The following ZMYM2 variants were observed in gnomAD, a reference collection of about 807,000 sequenced individuals.
ZMYM2 encodes the protein zinc finger MYM-type protein 2.
A neutral mutation model predicts 162.8 loss-of-function variants in ZMYM2; 56 were observed. The ratio of observed to expected loss-of-function variants is 0.34; its 90% CI spans 0.28 to 0.43. ZMYM2 has a LOEUF of 0.43. Ranked by LOEUF, ZMYM2 falls within the 20% of genes least tolerant of loss-of-function variation. ZMYM2 has a pLI of 1.00. For synonymous variants in ZMYM2, 510 were observed against 541.6 expected (o/e 0.94, Z 0.81); for missense variants, 1,275 against 1,621.8 (o/e 0.79, Z 3.67).
intron 2 of ZMYM2, among the ~76,000 whole-genome samples, chr13:19,979,662 C>G (rs1957134126): frequency 6.6e-6 from 1 of 152,202 alleles, no homozygotes; most frequent in South Asian, 2.1e-4. Flanking sequence ...CCCAAACACA[C>G]AATCCCAAAT....
chr13:19,933,368 T>C, the ZMYM2 span, among the ~76,000 whole-genome samples: 13 of 152,332 alleles, frequency 8.5e-5, no homozygotes, highest in African/African-American at 2.2e-4. Context: ...TTATTTCAAG[T>C]CTATATTATT....
At chr13:20,085,206 CT>C (rs945977841) in intron 24 of ZMYM2, among the ~76,000 whole-genome samples, 6 of 152,116 alleles carry the variant, frequency 3.9e-5, no homozygotes, top group African/African-American at 9.7e-5. Flanking sequence ...GAACTTTCCA[CT>C]TTTGGTGTCA....
intron 6 of ZMYM2, among the ~76,000 whole-genome samples, chr13:20,009,727 A>G (rs1951022154): frequency 6.6e-6 from 1 of 152,236 alleles, no homozygotes; most frequent in Non-Finnish European, 1.5e-5. Flanking sequence ...CATCCATAGT[A>G]TAGCCACGAT....
chr13:20,068,062 G>GT (rs201411363), intron 21 of ZMYM2: 207 of 175,052 alleles, frequency 1.2e-3, no homozygotes, highest in Non-Finnish European at 1.9e-3. Flanking sequence ...CTTAATTTGT[G>GT]TTTTTTTTAC....
At chr13:20,002,779 C>G (rs1857389698) in intron 3 of ZMYM2, 71 bp from the exon 4 acceptor site, 2 of 1,521,158 alleles carry the variant, frequency 1.3e-6, no homozygotes, top group Admixed American at 2.1e-5. Flanking sequence ...TAATATTTCT[C>G]TGATATAAAT....
intron 2 of ZMYM2, among the ~76,000 whole-genome samples, chr13:19,964,735 A>G (rs557794392): frequency 1.3e-5 from 2 of 150,976 alleles, no homozygotes; most frequent in Non-Finnish European, 2.9e-5. Flanking sequence ...TTTTCTCTCT[A>G]AGTGTTCCTA....
intron 2 of ZMYM2, among the ~76,000 whole-genome samples, chr13:19,990,351 T>G (rs751283958): frequency 6.6e-5 from 10 of 152,230 alleles, no homozygotes; most frequent in Admixed American, 1.3e-4. Context: ...CTTCTTACTT[T>G]GATCTGCCAC....
intron 14 of ZMYM2, among the ~76,000 whole-genome samples, chr13:20,056,056 C>T (rs1015834220): frequency 3.9e-5 from 6 of 152,142 alleles, no homozygotes; most frequent in Admixed American, 3.3e-4. Context: ...CTTATTTTTA[C>T]GAGGTCATTG....
At chr13:20,064,594 A>C in intron 19 of ZMYM2, 49 bp downstream of exon 19, 2 of 1,410,918 alleles carry the variant, frequency 1.4e-6, no homozygotes, top group African/African-American at 1.4e-5. Context: ...ATAGGCAAAC[A>C]AGGATACAGT....
At chr13:19,911,405 T>C in the ZMYM2 span, among the ~76,000 whole-genome samples, 2 of 152,150 alleles carry the variant, frequency 1.3e-5, no homozygotes, top group Admixed American at 1.3e-4. Context: ...ACCCTAGGAA[T>C]GAAAGAAAGG....
chr13:20,071,978 T>TC (rs1593232166), intron 21 of ZMYM2: 2 of 186,568 alleles, frequency 1.1e-5, no homozygotes, highest in East Asian at 1.9e-4. Flanking sequence ...CCTTTAAGAG[T>TC]CCTCTGGGAT....
chr13:19,952,366 A>T, the ZMYM2 span, among the ~76,000 whole-genome samples: 1 of 152,212 alleles, frequency 6.6e-6, no homozygotes, highest in Non-Finnish European at 1.5e-5. Flanking sequence ...AGTATATTGT[A>T]TTATTGAAAA....
chr13:19,874,155 C>T, the ZMYM2 span, among the ~76,000 whole-genome samples: 1 of 152,150 alleles, frequency 6.6e-6, no homozygotes, highest in African/African-American at 2.4e-5. Flanking sequence ...CAAGTCAGTG[C>T]CTCATTCATC....
chr13:19,971,700 G>A (rs1230605572), intron 2 of ZMYM2, among the ~76,000 whole-genome samples: 2 of 152,040 alleles, frequency 1.3e-5, no homozygotes, highest in Non-Finnish European at 2.9e-5. Context: ...GGACAATTTC[G>A]AGATTTATTT....
the ZMYM2 span, among the ~76,000 whole-genome samples, chr13:19,937,574 C>T: frequency 6.7e-6 from 1 of 148,412 alleles, no homozygotes; most frequent in Non-Finnish European, 1.5e-5. Flanking sequence ...AGTGATTCTC[C>T]TGTATTCTGC....
chr13:20,034,059 A>C (rs1374950593), intron 10 of ZMYM2, among the ~76,000 whole-genome samples, 195 bp from the exon 11 acceptor site: 1 of 152,148 alleles, frequency 6.6e-6, no homozygotes, highest in Non-Finnish European at 1.5e-5. Flanking sequence ...AGCTAATGGC[A>C]CTGAATTTTG....
In ZMYM2 at chr13:19,983,084, A is replaced by G. The variant is rs570959986; in HGVS notation, c.-10-9979A>G. On this transcript the variant is annotated intron_variant, in intron 2 of 24. Coordinates refer to ENST00000610343, the MANE Select transcript of ZMYM2 (RefSeq NM_197968.4). ...CTGTCTATAATAGTTTTTCAGGTAA[A>G]TCTTCCGGGTCTTTGGGGGTAAAGA... is the stretch of plus-strand genomic sequence containing the variant. 7.9e-5 allele frequency among the ~76,000 whole-genome samples: 12 copies of G among 152,012 alleles called. No homozygotes were observed. In the South Asian group the frequency reaches 1.9e-3, roughly 24 times the overall value.
At chr13:20,060,725 G>A (rs566946686) in intron 16 of ZMYM2, among the ~76,000 whole-genome samples, 1 of 151,918 alleles carries the variant, frequency 6.6e-6, no homozygotes, top group Non-Finnish European at 1.5e-5. Flanking sequence ...GTTTAGAACT[G>A]AAACATAGAA....
chr13:19,932,705 C>A, the ZMYM2 span, among the ~76,000 whole-genome samples: 10 of 151,756 alleles, frequency 6.6e-5, no homozygotes, highest in Non-Finnish European at 2.9e-5. Flanking sequence ...CCCATGTGAA[C>A]ATGTGAAGAT....
Sources: allele counts gnomAD v4.1 joint callset (sites outside exome capture counted in the v4.1 genomes callset), GRCh38; gene constraint gnomAD v4.1.1; transcripts MANE v1.5; gene names NCBI Gene and HGNC (gene_info 2026-07-23, HGNC 2026-07-21).